The following HS2ST1 variants were observed in gnomAD, a reference collection of about 807,000 sequenced individuals.
The protein encoded by HS2ST1 is 2-O-sulfotransferase.
HS2ST1 carries 18 observed loss-of-function variants against 42.9 expected under a neutral mutation model. The ratio of observed to expected loss-of-function variants is 0.42; its 90% CI spans 0.29 to 0.62. The LOEUF (loss-of-function observed/expected upper bound fraction) is 0.62, where lower values mean the gene tolerates loss of function less well. Ranked by LOEUF, HS2ST1 falls within the 20% of genes least tolerant of loss-of-function variation. The probability of loss-of-function intolerance (pLI) is 0.21; values close to 1 mark genes in which losing one functional copy is unlikely to be tolerated. For synonymous variants in HS2ST1, 146 were observed against 152.9 expected, an observed-to-expected ratio of 0.95 and a Z score of 0.33; for missense variants, 334 against 433.8, an observed-to-expected ratio of 0.77 and a Z score of 2.04.
At chr1:86,964,584 A>G (rs1468589808) in intron 1 of HS2ST1, among the ~76,000 whole-genome samples, 5 of 152,360 alleles carry the variant, frequency 3.3e-5, no homozygotes, top group African/African-American at 1.2e-4. Context: ...CCGAGATGGC[A>G]GCAGTACAGT....
chr1:87,103,584 G>T lies in HS2ST1; in HGVS notation c.839G>T (p.Arg280Leu). Residue 280 changes from arginine (R) to leucine (L), a missense_variant, in exon 6 of 7, where the codon CGC (arginine) becomes CTC (leucine). Arg to Leu is a moderately radical substitution (Grantham distance 102). Coordinates refer to ENST00000370550, the MANE Select transcript of HS2ST1 (RefSeq NM_012262.4). The part of the protein sequence containing the change: ...RFFRGATELY[R>L]TGKKSHLRKT... Reference sequence around the variant, plus strand: ...TTCAGGGGTGCTACTGAACTCTATCGCACAGGTATATAAAGGAAGGGTTTC... The same window carrying T: ...TTCAGGGGTGCTACTGAACTCTATCTCACAGGTATATAAAGGAAGGGTTTC... 1.3e-6 allele frequency: 2 copies of T among 1,595,498 alleles called. No homozygotes were observed. Among genetic ancestry groups the T allele is most frequent in the Non-Finnish European group, 1.7e-6 (2 of 1,174,030 alleles).
chr1:86,937,609 A>T (rs1660682961), intron 1 of HS2ST1, among the ~76,000 whole-genome samples: 1 of 152,090 alleles, frequency 6.6e-6, no homozygotes, highest in Non-Finnish European at 1.5e-5. Flanking sequence ...TTCCTCTCCT[A>T]CATTTTTTCA....
chr1:86,985,491 T>G (rs1463226437), intron 1 of HS2ST1, among the ~76,000 whole-genome samples: 1 of 99,846 alleles, frequency 1.0e-5, no homozygotes, highest in South Asian at 3.9e-4. Context: ...TATACACATA[T>G]ATATACACAT....
intron 1 of HS2ST1, chr1:86,956,437 C>A (rs1301244059): frequency 6.6e-6 from 1 of 152,154 alleles, no homozygotes; most frequent in Non-Finnish European, 1.5e-5. Context: ...TGGCCTAGAT[C>A]CTTTTAGCTG....
At chr1:87,029,962 G>A (rs540487895) in intron 1 of HS2ST1, among the ~76,000 whole-genome samples, 86 of 152,192 alleles carry the variant, frequency 5.7e-4, no homozygotes, top group African/African-American at 1.8e-3. Flanking sequence ...AAGGTATTTC[G>A]GTAAAAAGGA....
intron 1 of HS2ST1, among the ~76,000 whole-genome samples, chr1:87,013,314 A>C (rs1232930408): frequency 6.6e-6 from 1 of 152,146 alleles, no homozygotes; most frequent in African/African-American, 2.4e-5. Context: ...TCAGTTTCTG[A>C]CTTCTGTGCA....
At chr1:87,043,505 G>C (rs918654402) in intron 1 of HS2ST1, among the ~76,000 whole-genome samples, 2 of 152,108 alleles carry the variant, frequency 1.3e-5, no homozygotes, top group East Asian at 1.9e-4. Flanking sequence ...ATAGTAATTG[G>C]ATTTTTTATC....
chr1:87,026,254 G>A (rs966507338), intron 1 of HS2ST1, among the ~76,000 whole-genome samples: 9 of 152,150 alleles, frequency 5.9e-5, no homozygotes, highest in African/African-American at 2.2e-4. Flanking sequence ...ATACGTTCAT[G>A]GGTTCTGATG....
chr1:87,045,950 T>G, intron 1 of HS2ST1: 1 of 716,130 alleles, frequency 1.4e-6, no homozygotes, highest in Non-Finnish European at 2.6e-6. Flanking sequence ...ACTATTGATG[T>G]CAGCAACCTC....
chr1:86,949,002 T>G (rs1428255779), intron 1 of HS2ST1, among the ~76,000 whole-genome samples: 1 of 152,244 alleles, frequency 6.6e-6, no homozygotes, highest in East Asian at 1.9e-4. Flanking sequence ...TAATAGTTAC[T>G]ACTTCTTTTA....
chr1:86,944,180 G>A (rs551132141), intron 1 of HS2ST1, among the ~76,000 whole-genome samples: 10 of 152,216 alleles, frequency 6.6e-5, no homozygotes, highest in Admixed American at 5.9e-4. Context: ...TTCGATAGTG[G>A]AAGTTGTCCA....
At chr1:87,020,201 A>G (rs1425987672) in intron 1 of HS2ST1, among the ~76,000 whole-genome samples, 21 of 152,224 alleles carry the variant, frequency 1.4e-4, no homozygotes, top group Non-Finnish European at 8.8e-5. Context: ...AACTCTGGCC[A>G]TTTCAAATCT....
At chr1:87,069,327 A>G (rs1209150676) in intron 1 of HS2ST1, among the ~76,000 whole-genome samples, 1 of 152,252 alleles carries the variant, frequency 6.6e-6, no homozygotes, top group Non-Finnish European at 1.5e-5. Flanking sequence ...TATACTGCCT[A>G]CATTCTAAGT....
intron 1 of HS2ST1, among the ~76,000 whole-genome samples, chr1:87,040,679 A>T (rs1650498082): frequency 6.6e-6 from 1 of 152,180 alleles, no homozygotes; most frequent in Non-Finnish European, 1.5e-5. Flanking sequence ...GAATGTTAGC[A>T]GTAGTAGAGC....
chr1:86,933,233 G>A (rs1264116124), intron 1 of HS2ST1, among the ~76,000 whole-genome samples: 8 of 152,066 alleles, frequency 5.3e-5, no homozygotes, highest in Non-Finnish European at 7.4e-5. Flanking sequence ...CAGTTTTGGA[G>A]AATTAACCAC....
intron 1 of HS2ST1, among the ~76,000 whole-genome samples, chr1:86,935,935 C>T (rs61800756): frequency 0.09 from 13,691 of 152,112 alleles, 706 homozygotes; most frequent in Non-Finnish European, 0.12. Context: ...CTTATGAAAC[C>T]GTAATACAAT....
chr1:87,102,531 G>T (rs1390493852), intron 5 of HS2ST1, among the ~76,000 whole-genome samples: 2 of 152,110 alleles, frequency 1.3e-5, no homozygotes, highest in South Asian at 2.1e-4. Flanking sequence ...GAGTTAGAGG[G>T]AACAAATATC....
At chr1:86,999,693 TCCC>T (rs35630628) in intron 1 of HS2ST1, among the ~76,000 whole-genome samples, 3 of 151,688 alleles carry the variant, frequency 2.0e-5, no homozygotes, top group Admixed American at 6.5e-5. Context: ...AATTATGCTT[TCCC>T]CCCCAACTTA....
At chr1:87,019,244 AG>A (rs1468754853) in intron 1 of HS2ST1, among the ~76,000 whole-genome samples, 1 of 152,224 alleles carries the variant, frequency 6.6e-6, no homozygotes, top group Non-Finnish European at 1.5e-5. Context: ...TTTATGAAGC[AG>A]GTTGCAGGTA....
Sources: allele counts gnomAD v4.1 joint callset (sites outside exome capture counted in the v4.1 genomes callset), GRCh38; gene constraint gnomAD v4.1.1; transcripts MANE v1.5; gene names NCBI Gene and HGNC (gene_info 2026-07-23, HGNC 2026-07-21).